Variants in STYXL1 observed in about 807,000 individuals in gnomAD.
The protein encoded by STYXL1 is serine/threonine/tyrosine-interacting-like protein 1.
In STYXL1, 32 loss-of-function variants were observed where a neutral mutation model predicts 36.4. The ratio of observed to expected loss-of-function variants is 0.88; its 90% confidence interval spans 0.66 to 1.18. The LOEUF (loss-of-function observed/expected upper bound fraction) is 1.18. Among genes scored for constraint, STYXL1 ranks in the 50% most tolerant of loss-of-function variants. The pLI is 0.00. For missense variants in STYXL1, 354 were observed against 394.1 expected (o/e 0.90, Z 0.86); for synonymous variants, 133 against 144.1 (o/e 0.92, Z 0.55).
chr7:76,021,080 A>ATTTTTTTTTTTTTTTTTTTT (rs200072611), intron 4 of STYXL1, among the ~76,000 whole-genome samples: 4 of 144,900 alleles, frequency 2.8e-5, no homozygotes, highest in African/African-American at 1.0e-4. Flanking sequence ...TGTTACAAGA[A>ATTTTTTTTTTTTTTTTTTTT]TTTTTTTTTT....
chr7:76,033,062 A>G (rs1795545733), intron 1 of STYXL1, among the ~76,000 whole-genome samples: 1 of 152,194 alleles, frequency 6.6e-6, no homozygotes, highest in Non-Finnish European at 1.5e-5. Flanking sequence ...TCCAGTTGGC[A>G]GAGCTGCTCT....
intron 4 of STYXL1, among the ~76,000 whole-genome samples, chr7:76,018,319 G>A (rs1793642265): frequency 6.6e-6 from 1 of 151,888 alleles, no homozygotes; most frequent in South Asian, 2.1e-4. Context: ...AATATGTGAT[G>A]TTTTGCATCT....
intron 8 of STYXL1, among the ~76,000 whole-genome samples, chr7:75,999,551 G>GTGTGTATA (rs1421403301): frequency 1.3e-3 from 107 of 80,128 alleles, no homozygotes; most frequent in South Asian, 4.0e-3. Context: ...GTGTGTGTGT[G>GTGTGTATA]TATATTTTTT....
At chr7:76,034,159 G>A (rs1795687400) in intron 1 of STYXL1, among the ~76,000 whole-genome samples, 1 of 152,194 alleles carries the variant, frequency 6.6e-6, no homozygotes, top group African/African-American at 2.4e-5. Flanking sequence ...TTGGAGTGCA[G>A]TGGCACTATC....
At chr7:76,016,417 G>GTATACACATATATACATATATACGCATA (rs1330499522) in intron 4 of STYXL1, among the ~76,000 whole-genome samples, 1 of 150,178 alleles carries the variant, frequency 6.7e-6, no homozygotes, top group African/African-American at 2.5e-5. Flanking sequence ...ATATCTATAC[G>GTATACACATATATACATATATACGCATA]TATACACATA....
At chr7:76,028,515 C>A in intron 3 of STYXL1, 127 bp downstream of exon 3, 1 of 828,888 alleles carries the variant, frequency 1.2e-6, no homozygotes, top group Non-Finnish European at 2.0e-6. Flanking sequence ...TGGAAGACCA[C>A]CACGGTGGGC....
chr7:76,011,637 T>C (rs1476395135), intron 5 of STYXL1, among the ~76,000 whole-genome samples: 2 of 152,260 alleles, frequency 1.3e-5, no homozygotes, highest in Non-Finnish European at 2.9e-5. Flanking sequence ...TTACATTCCA[T>C]TGTGTTCAGA....
chr7:76,032,227 T>TA (rs374647212), intron 1 of STYXL1, among the ~76,000 whole-genome samples: 15,400 of 139,728 alleles, frequency 0.11, 1,458 homozygotes, highest in African/African-American at 0.26. Flanking sequence ...ACCCCATCTC[T>TA]AAAAAAAAAA....
chr7:76,016,547 C>A (rs1346149332), intron 4 of STYXL1, among the ~76,000 whole-genome samples: 1 of 151,902 alleles, frequency 6.6e-6, no homozygotes, highest in African/African-American at 2.4e-5. Context: ...CTAGAGAACT[C>A]TAATACACAA....
chr7:76,003,483 G>A (rs1345458967), intron 7 of STYXL1, among the ~76,000 whole-genome samples: 1 of 152,190 alleles, frequency 6.6e-6, no homozygotes, highest in African/African-American at 2.4e-5. Context: ...TTTACAACAA[G>A]CCCAGAAGGG....
At chr7:76,042,390 CTTTT>C (rs528469396) in intron 1 of STYXL1, among the ~76,000 whole-genome samples, 993 of 41,406 alleles carry the variant, frequency 0.024, 5 homozygotes, top group Middle Eastern at 0.042. Flanking sequence ...CCCTTATGTG[CTTTT>C]TTTTTTTTTT....
At chr7:76,031,790 C>A (rs1297678604) in intron 1 of STYXL1, among the ~76,000 whole-genome samples, 2 of 151,824 alleles carry the variant, frequency 1.3e-5, no homozygotes. Context: ...GAGCCATATA[C>A]ATACCACATG....
intron 2 of STYXL1, among the ~76,000 whole-genome samples, chr7:76,029,114 G>A (rs1034026422): frequency 2.5e-4 from 38 of 152,058 alleles, no homozygotes; most frequent in African/African-American, 8.9e-4. Context: ...ACAAGATTCT[G>A]TCTCATAAAT....
At chr7:76,027,846 GTAATC>G (rs1794892497) in intron 3 of STYXL1, among the ~76,000 whole-genome samples, 1 of 151,940 alleles carries the variant, frequency 6.6e-6, no homozygotes, top group South Asian at 2.1e-4. Context: ...GCTCACATGT[GTAATC>G]CCAGCGCTTT....
rs537145719 is a variant in STYXL1, at chr7:76,010,130, C to G, written c.453+3612G>C. Among the ~76,000 whole-genome samples, 12 of 152,170 alleles carry G rather than the reference C, an allele frequency of 7.9e-5. No homozygotes were observed. In the South Asian group the frequency reaches 2.3e-3, roughly 29 times the overall value. ...AGAGAAGAAATTAATCTCTCTGCAC[C>G]CTGCAAAGCCAGGGTGCTCCTCCAA... On this transcript the variant is annotated intron_variant, in intron 5 of 8. Coordinates refer to ENST00000359697, the MANE Select transcript of STYXL1 (RefSeq NM_001317785.2).
intron 4 of STYXL1, among the ~76,000 whole-genome samples, chr7:76,015,881 A>G (rs781907714): frequency 2.0e-5 from 3 of 152,160 alleles, no homozygotes; most frequent in Non-Finnish European, 4.4e-5. Flanking sequence ...AACCAGAAAT[A>G]CATGAAAACA....
chr7:76,009,761 C>T (rs576938213), intron 5 of STYXL1, among the ~76,000 whole-genome samples: 24 of 152,168 alleles, frequency 1.6e-4, no homozygotes, highest in Non-Finnish European at 3.1e-4. Flanking sequence ...CCAGGCTAGT[C>T]TCAAACTCCT....
intron 1 of STYXL1, among the ~76,000 whole-genome samples, chr7:76,035,149 T>C (rs1795798361): frequency 6.7e-6 from 1 of 149,532 alleles, no homozygotes; most frequent in Non-Finnish European, 1.5e-5. Flanking sequence ...GCCTCCTTCA[T>C]GTATTCCAAG....
At chr7:76,029,506 T>G (rs1379093668) in intron 2 of STYXL1, among the ~76,000 whole-genome samples, 2 of 152,090 alleles carry the variant, frequency 1.3e-5, no homozygotes, top group Non-Finnish European at 2.9e-5. Context: ...ACTGGTTTCA[T>G]GGAAGACAAT....
Sources: gnomAD v4.1 joint callset for allele counts (sites outside exome capture counted in the v4.1 genomes callset) on GRCh38, gnomAD v4.1.1 for gene constraint, MANE v1.5 for transcripts, NCBI Gene and HGNC (gene_info 2026-07-23, HGNC 2026-07-21) for gene names.